Variants in MRE11 observed in about 807,000 individuals in gnomAD.
The protein encoded by MRE11 is MRE11 double strand break repair nuclease.
In MRE11, 62 loss-of-function variants were observed where a neutral mutation model predicts 91.7. That is an observed-to-expected ratio of 0.68 (90% confidence interval 0.55 to 0.84). The LOEUF is 0.84. Among genes scored for constraint, MRE11 ranks in the 40% least tolerant of loss-of-function variants. The probability of loss-of-function intolerance (pLI) is 0.00; values close to 1 mark genes in which losing one functional copy is unlikely to be tolerated. For synonymous variants in MRE11, 273 were observed against 271.4 expected (o/e 1.01, Z -0.06); for missense variants, 796 against 852.9 (o/e 0.93, Z 0.83).
chr11:94,435,606 A>C (rs149933826), intron 18 of MRE11, among the ~76,000 whole-genome samples: 2 of 152,292 alleles, frequency 1.3e-5, no homozygotes, highest in African/African-American at 4.8e-5. Flanking sequence ...TAAAGTCAAA[A>C]GGAAAAAAAT....
chr11:94,464,216 T>G lies in MRE11; in HGVS notation c.1122A>C (p.Glu374Asp). 1 of 1,613,872 alleles carries G rather than the reference T, an allele frequency of 6.2e-7. No individual in the cohort carries two copies. The highest frequency in any genetic ancestry group is 8.5e-7 in the Non-Finnish European group (1 of 1,179,894). Reference protein sequence around the residue: ...RLRVDYSGGFEPFSVLRFSQK... With the variant: ...RLRVDYSGGFDPFSVLRFSQK... ...GGCTAAAGCGAAGAACACTGAAAGG[T>G]TCAAAACCTCCACTATAGTCCACCT... Residue 374 changes from glutamate to aspartate, a missense_variant, in exon 11 of 20, where the codon GAA (glutamate) becomes GAC (aspartate). By Grantham distance (45) the Glu-to-Asp change is conservative. Transcript: ENST00000323929.
At chr11:94,423,135 C>G (rs1233969506) in intron 19 of MRE11, among the ~76,000 whole-genome samples, 1 of 152,162 alleles carries the variant, frequency 6.6e-6, no homozygotes, top group Admixed American at 6.5e-5. Context: ...ATATTTTGAG[C>G]AGATCTTTGG....
chr11:94,498,241 G>A (rs200769786), upstream of MRE11: 68 of 1,614,126 alleles, frequency 4.2e-5, no homozygotes, highest in Admixed American at 4.5e-4. Flanking sequence ...ATGGCTGGAC[G>A]CCCCTGCACA....
the MRE11 span, among the ~76,000 whole-genome samples, chr11:94,502,625 G>A: frequency 6.6e-6 from 1 of 151,934 alleles, no homozygotes; most frequent in African/African-American, 2.4e-5. Context: ...CACATATGAA[G>A]TATATGTTGT....
chr11:94,466,477 G>A (rs1383306276), intron 10 of MRE11: 1 of 531,798 alleles, frequency 1.9e-6, no homozygotes, highest in Admixed American at 1.9e-5. Flanking sequence ...AATCCATTTA[G>A]ATCTCATAAA....
At position 94,415,967 on chromosome 11, in the gene MRE11, T is replaced by G. The variant is rs1018222199; in HGVS notation, c.*4158A>C. The G allele has an allele frequency of 6.6e-6, 1 of 152,302 alleles. No homozygotes were observed. Among genetic ancestry groups the G allele is most frequent in the South Asian group, 2.1e-4 (1 of 4,822 alleles). 9.4% of individuals were successfully genotyped at this position (152,302 alleles called of 1,614,324 possible). A position where few individuals can be genotyped will look rare whatever the true frequency, so the allele number is the denominator to read the frequency against. On this transcript the variant is annotated 3_prime_UTR_variant, in exon 20 of 20. Coordinates refer to ENST00000323929, the MANE Select transcript of MRE11 (RefSeq NM_005591.4). Reference sequence around the variant, plus strand: ...TTGGGATTACAGGCGCCCACCACCATGCCTGGCTAATTTTTGTATTTTTAG... The same window carrying G: ...TTGGGATTACAGGCGCCCACCACCAGGCCTGGCTAATTTTTGTATTTTTAG...
chr11:94,444,018 T>C (rs1945859638), intron 16 of MRE11, among the ~76,000 whole-genome samples: 1 of 150,876 alleles, frequency 6.6e-6, no homozygotes, highest in Non-Finnish European at 1.5e-5. Context: ...AGTATTCTCC[T>C]GCCTCAGCCT....
chr11:94,461,066 G>T, intron 11 of MRE11, 30 bp from the exon 12 acceptor site: 1 of 1,559,108 alleles, frequency 6.4e-7, no homozygotes, highest in Non-Finnish European at 8.8e-7. Flanking sequence ...TCAAAAAATA[G>T]CTTCTATCAT....
chr11:94,420,181 C>T lies in MRE11; in HGVS notation c.2071G>A (p.Asp691Asn), dbSNP rs576011802. The stretch of plus-strand genomic sequence containing the variant: ...TTCATAAAAGGATCATCATCATCAT[C>T]CTGAAATGAGATACAAATGTTGTAT... ...SKGVDFESSEDDDDDPFMNTS... is the reference protein window; with the variant it reads ...SKGVDFESSENDDDDPFMNTS... Residue 691 changes from aspartate (D) to asparagine (N), a missense_variant and splice_region_variant, in exon 20 of 20, where the codon GAT becomes AAT. Asp to Asn is a conservative substitution (Grantham distance 23, BLOSUM62 1). Coordinates refer to ENST00000323929, the MANE Select transcript of MRE11 (RefSeq NM_005591.4). 10 of 1,585,544 alleles carry T rather than the reference C, an allele frequency of 6.3e-6. No individual in the cohort carries two copies. The South Asian group carries it at 8.8e-5, about 14-fold the overall frequency.
chr11:94,447,129 A>T, intron 15 of MRE11, 90 bp downstream of exon 15: 1 of 1,311,542 alleles, frequency 7.6e-7, no homozygotes, highest in South Asian at 1.2e-5. Context: ...TAGAAATAAA[A>T]CTTATAATTC....
chr11:94,466,885 A>C (rs1389101478), intron 10 of MRE11, among the ~76,000 whole-genome samples: 1 of 152,198 alleles, frequency 6.6e-6, no homozygotes, highest in African/African-American at 2.4e-5. Flanking sequence ...CAGAACAAGA[A>C]GGAGGTCTAC....
At chr11:94,461,383 C>T (rs1339802358) in intron 11 of MRE11, among the ~76,000 whole-genome samples, 1 of 152,198 alleles carries the variant, frequency 6.6e-6, no homozygotes, top group African/African-American at 2.4e-5. Context: ...CATCTGCCAT[C>T]ATTGCTACAC....
In MRE11 at chr11:94,437,221, T is replaced by G. The variant is rs1411087205; in HGVS notation, c.1882A>C (p.Arg628=). ...MSIIDAFKST[R]QQPSRNVTTK... ...GTGACATTTCGGGAAGGCTGCTGTC[T>G]TGTAGATTTAAAGGCTAGAATGAAA... is the stretch of plus-strand genomic sequence containing the variant. Residue 628 remains arginine (R), a synonymous_variant, in exon 17 of 20, where the codon AGA becomes CGA. Transcript: ENST00000323929. 3.1e-6 allele frequency: 5 copies of G among 1,613,014 alleles called. No individual in the cohort carries two copies. The highest frequency in any genetic ancestry group is 4.2e-6 in the Non-Finnish European group (5 of 1,179,458).
intron 16 of MRE11, among the ~76,000 whole-genome samples, chr11:94,443,279 C>A (rs1164281074): frequency 6.6e-6 from 1 of 152,124 alleles, no homozygotes; most frequent in Non-Finnish European, 1.5e-5. Flanking sequence ...GTACAGTGGT[C>A]AACTACTGGT....
the MRE11 span, among the ~76,000 whole-genome samples, chr11:94,505,045 G>A: frequency 1.3e-5 from 2 of 152,156 alleles, no homozygotes; most frequent in Non-Finnish European, 2.9e-5. Context: ...TTACTCACAT[G>A]TTCAAGGTGA....
rs1945954583 is a variant in MRE11, at chr11:94,447,091, A to C, written c.1783+128T>G. 3.0e-6 allele frequency: 3 copies of C among 1,012,494 alleles called. No homozygotes were observed. The Admixed American group carries it at 5.9e-5, about 20-fold the overall frequency. The allele number at this position is 1,012,494 out of a possible 1,614,324, so 62.7% of individuals were successfully genotyped here. A position where few individuals can be genotyped will look rare whatever the true frequency, so the allele number is the denominator to read the frequency against. On this transcript the variant is annotated intron_variant, in intron 15 of 19. Transcript: ENST00000323929. ...CTTAAAGACTGTCTTTATATATTAT[A>C]AAAATAGATTTTTAAAGAACCGTGT... is the stretch of plus-strand genomic sequence containing the variant.
intron 2 of MRE11, among the ~76,000 whole-genome samples, chr11:94,492,283 T>G (rs1333216416): frequency 6.6e-6 from 1 of 152,202 alleles, no homozygotes; most frequent in Non-Finnish European, 1.5e-5. Context: ...AGACGGGGTT[T>G]CACCATGTTG....
At chr11:94,512,329 G>A in the MRE11 span, 2 of 422,486 alleles carry the variant, frequency 4.7e-6, no homozygotes, top group African/African-American at 2.0e-5. Context: ...CCTTTGCTTT[G>A]GTCAATGATA....
upstream of MRE11, chr11:94,497,899 C>T (rs374051055): frequency 1.3e-3 from 734 of 575,588 alleles, 8 homozygotes; most frequent in South Asian, 0.017. Context: ...ATTCTTAAAT[C>T]AGTAGTCCTC....
Sources: allele counts gnomAD v4.1 joint callset (sites outside exome capture counted in the v4.1 genomes callset), GRCh38; gene constraint gnomAD v4.1.1; transcripts MANE v1.5; gene names NCBI Gene and HGNC (gene_info 2026-07-23, HGNC 2026-07-21).